The following SLCO4A1 variants were observed in gnomAD, a reference collection of about 807,000 sequenced individuals.
The protein encoded by SLCO4A1 is solute carrier organic anion transporter family member 4A1.
Under a neutral mutation model 64.6 loss-of-function variants are expected in SLCO4A1, and 51 were observed. That is an observed-to-expected ratio of 0.79 (90% CI 0.63 to 1.00). The LOEUF is 1.00. Among genes scored for constraint, SLCO4A1 ranks in the 50% least tolerant of loss-of-function variants. The pLI is 0.00. For missense variants in SLCO4A1, 919 were observed against 980.5 expected (o/e 0.94, Z 0.84); for synonymous variants, 471 against 444.9 (o/e 1.06, Z -0.74).
At position 62,668,995 on chromosome 20, in the gene SLCO4A1, C is replaced by A; in HGVS notation, c.1942C>A (p.Gln648Lys). The change falls in exon 11 of 12, where the codon CAG (glutamine) becomes AAG (lysine). Residue 648 changes from glutamine (Q) to lysine (K), a missense_variant. Physicochemically the swap from Gln to Lys is moderately conservative, Grantham distance 53. Transcript: ENST00000217159. ...IDKACLLWQD[Q>K]CGQQGSCLVY... Reference sequence around the variant, plus strand: ...CAAGGCCTGTCTGCTGTGGCAGGACCAGTGTGGCCAGCAGGGCTCCTGCTT... The same window carrying A: ...CAAGGCCTGTCTGCTGTGGCAGGACAAGTGTGGCCAGCAGGGCTCCTGCTT... 1 of 1,610,546 alleles carries A rather than the reference C, an allele frequency of 6.2e-7. No homozygotes were observed.
In SLCO4A1 at chr20:62,671,894, C is replaced by G; in HGVS notation, c.*1C>G. The G allele has an allele frequency of 1.9e-6, 3 of 1,610,278 alleles. No individual in the cohort carries two copies. The highest frequency in any genetic ancestry group is 2.5e-6 in the Non-Finnish European group (3 of 1,180,012). On this transcript the variant is annotated 3_prime_UTR_variant, in exon 12 of 12. Coordinates refer to ENST00000217159, the MANE Select transcript of SLCO4A1 (RefSeq NM_016354.4). ...TAGCCAGCTCCAGAGCAGCGTCTGA[C>G]CACCGCCCGCGCCCACCCGGCCACG...
intron 11 of SLCO4A1, among the ~76,000 whole-genome samples, chr20:62,671,390 G>A (rs907630739): frequency 6.6e-6 from 1 of 152,130 alleles, no homozygotes; most frequent in Non-Finnish European, 1.5e-5. Context: ...ATTGGATTTG[G>A]GGCCCACCTT....
chr20:62,668,407 C>A, intron 9 of SLCO4A1, 70 bp from the exon 10 acceptor site: 1 of 1,517,572 alleles, frequency 6.6e-7, no homozygotes, highest in Non-Finnish European at 9.1e-7. Flanking sequence ...CAGGAGGCCA[C>A]TGGCCTAGGG....
chr20:62,687,202 A>G (rs141181734), downstream of SLCO4A1, among the ~76,000 whole-genome samples: 2,089 of 149,524 alleles, frequency 0.014, 44 homozygotes, highest in African/African-American at 0.049. Context: ...TGGAAAGGGC[A>G]CCCCCAAACA....
rs1983821789 is a variant in SLCO4A1, at chr20:62,656,837, T to C, written c.383T>C (p.Ile128Thr). ...GTGAATGGCTTCATCAACACAGTCA[T>C]CACCTCCCTGGAGCGCCGCTATGAC... ...MTVNGFINTV[I>T]TSLERRYDLH... The change falls in exon 2 of 12, where the codon ATC becomes ACC. Residue 128 changes from isoleucine (I) to threonine (T), a missense_variant. Physicochemically the swap from Ile to Thr is moderately conservative, Grantham distance 89. Transcript: ENST00000217159. The C allele has an allele frequency of 6.2e-7, 1 of 1,611,574 alleles. No individual in the cohort carries two copies. The highest frequency in any genetic ancestry group is 8.5e-7 in the Non-Finnish European group (1 of 1,178,968).
chr20:62,663,805 G>A (rs750873683), intron 5 of SLCO4A1, among the ~76,000 whole-genome samples: 9 of 152,172 alleles, frequency 5.9e-5, no homozygotes, highest in Admixed American at 2.0e-4. Context: ...AGAGAGAGCC[G>A]AGCCTCTCTT....
chr20:62,646,988 C>T (rs553769750), intron 1 of SLCO4A1, among the ~76,000 whole-genome samples: 16 of 152,252 alleles, frequency 1.1e-4, no homozygotes, highest in East Asian at 5.8e-4. Context: ...GCCCTGCTGC[C>T]GCACCCTGGC....
intron 5 of SLCO4A1, chr20:62,663,088 G>A (rs1287055454): frequency 1.3e-5 from 2 of 152,244 alleles, no homozygotes; most frequent in East Asian, 3.9e-4. Flanking sequence ...AAGAACCCAT[G>A]TTCATGGCTG....
At position 62,657,099 on chromosome 20, in the gene SLCO4A1, G is replaced by A; in HGVS notation, c.645G>A (p.Val215=). Residue 215 remains valine, a synonymous_variant, in exon 2 of 12, where the codon GTG becomes GTA. Transcript: ENST00000217159. Reference sequence around the variant, plus strand: ...CGTGCCCTGCCAACCCCGGCGCGGTGTGTGCGGACAGCACCTCGGGCCTGT... The same window carrying A: ...CGTGCCCTGCCAACCCCGGCGCGGTATGTGCGGACAGCACCTCGGGCCTGT... ...VRTCPANPGA[V]CADSTSGLSR... is the part of the protein sequence containing the mutation. The A allele has an allele frequency of 6.3e-7, 1 of 1,597,996 alleles. No homozygotes were observed. The highest frequency in any genetic ancestry group is 1.1e-5 in the South Asian group (1 of 89,790).
intron 6 of SLCO4A1, chr20:62,665,368 C>G (rs1985927357): frequency 2.5e-6 from 1 of 401,294 alleles, no homozygotes; most frequent in Admixed American, 4.3e-5. Context: ...GCTTCTGTGA[C>G]TTGGTGCAGG....
rs763668569 is a variant in SLCO4A1, at chr20:62,668,018, C to T, written c.1645C>T (p.Arg549Ter). 13 of 1,614,024 alleles carry T rather than the reference C, an allele frequency of 8.1e-6. No individual in the cohort carries two copies. Among genetic ancestry groups the T allele is most frequent in the South Asian group, 2.2e-5 (2 of 91,078 alleles). The change falls in exon 9 of 12, where the codon CGA (arginine) becomes TGA (stop). Residue 549 changes from arginine to a stop codon, truncating the protein, a stop_gained. Coordinates refer to ENST00000217159, the MANE Select transcript of SLCO4A1 (RefSeq NM_016354.4). LOFTEE classifies it high-confidence loss of function. ...ETNVDGQKVY[R>*]DCSCIPQNLS... Reference sequence around the variant, plus strand: ...CTATTGTTGGGCTTCCCAGGTGTACCGAGACTGTAGCTGTATCCCTCAGAA... The same window carrying T: ...CTATTGTTGGGCTTCCCAGGTGTACTGAGACTGTAGCTGTATCCCTCAGAA...
chr20:62,668,300 T>C (rs1375411047), intron 9 of SLCO4A1, 116 bp downstream of exon 9: 19 of 1,308,512 alleles, frequency 1.5e-5, no homozygotes, highest in Non-Finnish European at 1.9e-5. Flanking sequence ...TAAGCGGGCC[T>C]GTCTGTCACT....
At chr20:62,658,587 C>T (rs1422664059) in intron 2 of SLCO4A1, 90 bp from the exon 3 acceptor site, 54 of 989,056 alleles carry the variant, frequency 5.5e-5, no homozygotes, top group South Asian at 4.6e-5. Context: ...ATGGCGGGTG[C>T]GGGGCTTCTC....
At position 62,657,247 on chromosome 20, in the gene SLCO4A1, A is replaced by G. The variant is rs1479970760; in HGVS notation, c.793A>G (p.Ile265Val). 11 of 1,524,076 alleles carry G rather than the reference A, an allele frequency of 7.2e-6. No homozygotes were observed. Among genetic ancestry groups the G allele is most frequent in the Non-Finnish European group, 9.7e-6 (11 of 1,128,346 alleles). 94.4% of individuals were successfully genotyped at this position (1,524,076 alleles called of 1,614,324 possible). Residue 265 changes from isoleucine to valine, a missense_variant, in exon 2 of 12, where the codon ATT becomes GTT. By Grantham distance (29) the Ile-to-Val change is conservative. Transcript: ENST00000217159. ...CAAGTCCAGCTGCTCGCCCGTCTAC[A>G]TTGGTGAGTGGGGCTGGCGGGGTAA... is the stretch of plus-strand genomic sequence containing the variant. The part of the protein sequence containing the change: ...NVKSSCSPVY[I>V]AIFYTAAILG...
At chr20:62,680,105 A>C (rs1160133860) in intron 2 of SLCO4A1, among the ~76,000 whole-genome samples, 1 of 152,190 alleles carries the variant, frequency 6.6e-6, no homozygotes. Flanking sequence ...TAGGACCCAC[A>C]GTGTTTTTAT....
chr20:62,659,414 T>C (rs898122591), intron 3 of SLCO4A1, among the ~76,000 whole-genome samples: 3 of 152,202 alleles, frequency 2.0e-5, no homozygotes, highest in Admixed American at 1.3e-4. Flanking sequence ...CCGCTGCACC[T>C]TGGGACTCTT....
chr20:62,671,969 A>G lies in SLCO4A1; in HGVS notation c.*76A>G, dbSNP rs1227302343. ...ACAGAACAGTGCCGTTGGGTGATGC[A>G]ATCACACGGGAACTTCTATTTGACC... is the stretch of plus-strand genomic sequence containing the variant. On this transcript the variant is annotated 3_prime_UTR_variant, in exon 12 of 12. Coordinates refer to ENST00000217159, the MANE Select transcript of SLCO4A1 (RefSeq NM_016354.4). The G allele has an allele frequency of 1.3e-6, 2 of 1,599,630 alleles. No individual in the cohort carries two copies. Among genetic ancestry groups the G allele is most frequent in the South Asian group, 2.2e-5 (2 of 91,066 alleles).
In SLCO4A1 at chr20:62,660,393, G is replaced by T; in HGVS notation, c.888-19G>T. ...AGGTGGGCTGCACGCTGACCCAGGT[G>T]CCACTGCCTCTTCCACAGGACGGAG... On this transcript the variant is annotated intron_variant, in intron 3 of 11. Coordinates refer to ENST00000217159, the MANE Select transcript of SLCO4A1 (RefSeq NM_016354.4). The T allele has an allele frequency of 1.9e-6, 3 of 1,595,828 alleles. No homozygotes were observed. The East Asian group carries it at 6.7e-5, about 36-fold the overall frequency.
Position 62,661,838 on chromosome 20 carries a change from G to T in SLCO4A1, c.1121+663G>T, listed in dbSNP as rs1264988518. 6.9e-6 allele frequency among the ~76,000 whole-genome samples: 1 copy of T among 145,932 alleles called. No individual in the cohort carries two copies. Among genetic ancestry groups the T allele is most frequent in the East Asian group, 2.0e-4 (1 of 5,068 alleles). ...GCTGCACTGCTAGGGTGAACCCGGG[G>T]CCCTGAGCCGGTGGGGTCCTAGAGG... On this transcript the variant is annotated intron_variant, in intron 5 of 11. Coordinates refer to ENST00000217159, the MANE Select transcript of SLCO4A1 (RefSeq NM_016354.4). This position sits in a 1 kb window ranked among gnomAD's most constrained non-coding sequence, Gnocchi z 5.2.
Sources: allele counts gnomAD v4.1 joint callset (sites outside exome capture counted in the v4.1 genomes callset), GRCh38; gene constraint gnomAD v4.1.1; non-coding constraint Gnocchi (gnomAD v3.1); transcripts MANE v1.5; gene names NCBI Gene and HGNC (gene_info 2026-07-23, HGNC 2026-07-21).